The following ASCC1 variants were observed in gnomAD, a reference collection of about 807,000 sequenced individuals.
The protein encoded by ASCC1 is ASC-1 complex subunit P50.
ASCC1 carries 35 observed loss-of-function variants against 46.6 expected under a neutral mutation model. That is an observed-to-expected ratio of 0.75 (90% CI 0.57 to 0.99). The LOEUF (loss-of-function observed/expected upper bound fraction) is 0.99. Ranked by LOEUF, ASCC1 falls within the 50% of genes least tolerant of loss-of-function variation. The pLI, the probability that ASCC1 is intolerant of heterozygous loss-of-function variation, is 0.00. For missense variants in ASCC1, 376 were observed against 428.7 expected, an observed-to-expected ratio of 0.88 and a Z score of 1.09; for synonymous variants, 143 against 146.6, an observed-to-expected ratio of 0.98 and a Z score of 0.18.
intron 6 of ASCC1, among the ~76,000 whole-genome samples, chr10:72,156,364 T>G (rs1424244702): frequency 6.6e-6 from 1 of 152,212 alleles, no homozygotes; most frequent in Non-Finnish European, 1.5e-5. Flanking sequence ...CCTCTTTTCT[T>G]TATAAGTTAC....
intron 5 of ASCC1, among the ~76,000 whole-genome samples, chr10:72,164,286 C>T (rs1350315202): frequency 6.6e-6 from 1 of 152,018 alleles, no homozygotes; most frequent in East Asian, 1.9e-4. Context: ...AATAAATAAT[C>T]ACTCCTCTTT....
In ASCC1 at chr10:72,128,128, T is replaced by C. The variant is rs142208064; in HGVS notation, c.911A>G (p.Tyr304Cys). ...RYNLYTAEGK[Y>C]IFKERESFDG... ...AAATGATTCTCTTTCCTTGAAGATATATTTGCCTTCCGCTGTGTAGAGATT... is the reference window on the plus strand; with the variant it reads ...AAATGATTCTCTTTCCTTGAAGATACATTTGCCTTCCGCTGTGTAGAGATT... The change falls in exon 9 of 10, where the codon TAT becomes TGT. Residue 304 changes from tyrosine to cysteine, a missense_variant. Transcript: ENST00000672957. 1,745 of 1,614,020 alleles carry C rather than the reference T, an allele frequency of 1.1e-3. 11 individuals are homozygous for C. In the African/African-American group the frequency reaches 0.02, roughly 19 times the overall value.
At chr10:72,134,222 G>C (rs968555111) in intron 7 of ASCC1, 1 of 152,252 alleles carries the variant, frequency 6.6e-6, no homozygotes, top group African/African-American at 2.4e-5. Context: ...CTTGAGGCCA[G>C]AAGTTCAAGA....
At chr10:72,113,369 G>A (rs1267493156) in intron 9 of ASCC1, among the ~76,000 whole-genome samples, 1 of 152,196 alleles carries the variant, frequency 6.6e-6, no homozygotes, top group Non-Finnish European at 1.5e-5. Flanking sequence ...GAATTCAAAA[G>A]AGAGCAAAGG....
chr10:72,198,364 A>T, intron 4 of ASCC1: 1 of 32,934 alleles, frequency 3.0e-5, no homozygotes, highest in South Asian at 1.4e-4. Context: ...AGGGGAGGGG[A>T]GGGGGAGGGG....
At chr10:72,174,764 T>A (rs76288172) in intron 5 of ASCC1, among the ~76,000 whole-genome samples, 7 of 152,196 alleles carry the variant, frequency 4.6e-5, no homozygotes, top group Non-Finnish European at 8.8e-5. Flanking sequence ...TCTAACTTTG[T>A]CACAAACCAG....
chr10:72,159,666 T>C (rs1359931318), intron 6 of ASCC1, among the ~76,000 whole-genome samples: 1 of 152,138 alleles, frequency 6.6e-6, no homozygotes, highest in African/African-American at 2.4e-5. Context: ...AAATGGAAAG[T>C]ATCTAATGAC....
At chr10:72,192,862 CA>C (rs1173291153) in intron 5 of ASCC1, among the ~76,000 whole-genome samples, 2 of 151,450 alleles carry the variant, frequency 1.3e-5, no homozygotes, top group Non-Finnish European at 2.9e-5. Flanking sequence ...ATAAGGATGG[CA>C]AAAAAAGCAC....
chr10:72,108,729 T>C (rs539838532), intron 9 of ASCC1, among the ~76,000 whole-genome samples: 298 of 152,370 alleles, frequency 2.0e-3, no homozygotes, highest in Non-Finnish European at 3.4e-3. Flanking sequence ...TTTACAAAGA[T>C]GTTCTGCAGT....
At chr10:72,133,484 T>C in intron 7 of ASCC1, 1 of 361,198 alleles carries the variant, frequency 2.8e-6, no homozygotes, top group South Asian at 2.7e-5. Context: ...TAGTCTGGAA[T>C]GATCATTAAA....
At chr10:72,204,327 A>C in intron 3 of ASCC1, 1 of 1,426,004 alleles carries the variant, frequency 7.0e-7, no homozygotes. Flanking sequence ...AGCGAGCTAC[A>C]GCCAACTCTC....
At chr10:72,171,712 C>G (rs1013786003) in intron 5 of ASCC1, among the ~76,000 whole-genome samples, 1 of 152,174 alleles carries the variant, frequency 6.6e-6, no homozygotes, top group Non-Finnish European at 1.5e-5. Flanking sequence ...CCACCGCGCC[C>G]AGCCCAACTC....
At chr10:72,178,878 AAAAT>A (rs1852199560) in intron 5 of ASCC1, among the ~76,000 whole-genome samples, 1 of 152,224 alleles carries the variant, frequency 6.6e-6, no homozygotes, top group Non-Finnish European at 1.5e-5. Flanking sequence ...GCTATAAAGA[AAAAT>A]AAATTTACCT....
Position 72,130,725 on chromosome 10 carries a change from A to C in ASCC1, c.871+2332T>G, listed in dbSNP as rs577741424. On this transcript the variant is annotated intron_variant, in intron 8 of 9. Transcript: ENST00000672957. ...GGCCACTATCCAGATGTTTTCCCAT[A>C]AATTTTAATTAAAATTAAAAATAAA... 1.6e-4 allele frequency among the ~76,000 whole-genome samples: 24 copies of C among 152,356 alleles called. No homozygotes were observed. In the South Asian group the frequency reaches 3.7e-3, roughly 24 times the overall value.
At chr10:72,101,906 T>C (rs2131897807) in intron 9 of ASCC1, among the ~76,000 whole-genome samples, 1 of 152,052 alleles carries the variant, frequency 6.6e-6, no homozygotes, top group East Asian at 1.9e-4. Context: ...AATGAAACTA[T>C]AAATGAAACA....
At chr10:72,099,724 G>A (rs1841511162) in intron 9 of ASCC1, among the ~76,000 whole-genome samples, 1 of 152,088 alleles carries the variant, frequency 6.6e-6, no homozygotes, top group African/African-American at 2.4e-5. Context: ...GGAGACTGAG[G>A]GAGGAGAATC....
At chr10:72,140,783 C>G (rs1386013064) in intron 7 of ASCC1, among the ~76,000 whole-genome samples, 2 of 152,106 alleles carry the variant, frequency 1.3e-5, no homozygotes, top group Non-Finnish European at 2.9e-5. Flanking sequence ...AGATGGCAAA[C>G]TATGTATAGT....
At chr10:72,121,996 G>T (rs1844261400) in intron 9 of ASCC1, among the ~76,000 whole-genome samples, 1 of 152,136 alleles carries the variant, frequency 6.6e-6, no homozygotes, top group Admixed American at 6.5e-5. Context: ...ATCACATTCT[G>T]GGCCATAAAA....
intron 1 of ASCC1, among the ~76,000 whole-genome samples, chr10:72,214,685 CT>C (rs1406797446): frequency 6.6e-6 from 1 of 151,934 alleles, no homozygotes; most frequent in East Asian, 1.9e-4. Flanking sequence ...CAAACTCTTT[CT>C]ATCTAGCAAG....
Sources: allele counts gnomAD v4.1 joint callset (sites outside exome capture counted in the v4.1 genomes callset), GRCh38; gene constraint gnomAD v4.1.1; transcripts MANE v1.5; gene names NCBI Gene and HGNC (gene_info 2026-07-23, HGNC 2026-07-21).